The following GLG1 variants were observed in gnomAD, a reference collection of about 807,000 sequenced individuals.
GLG1 encodes golgi glycoprotein 1.
In GLG1, 38 loss-of-function variants were observed where a neutral mutation model predicts 160.5. The observed-to-expected ratio is 0.24, with a 90% CI of 0.18 to 0.31. The LOEUF is 0.31. GLG1 is among the 10% of genes least tolerant of loss of function. The pLI is 1.00. For synonymous variants in GLG1, 644 were observed against 543.4 expected (o/e 1.19, Z -2.57); for missense variants, 1,373 against 1,505.2 (o/e 0.91, Z 1.45).
chr16:74,512,253 G>T (rs1472437747), intron 2 of GLG1, among the ~76,000 whole-genome samples: 1 of 144,758 alleles, frequency 6.9e-6, no homozygotes, highest in Non-Finnish European at 1.5e-5. Flanking sequence ...CCGCCTGGGT[G>T]ACAGAGCGAG....
At chr16:74,462,320 G>A in intron 21 of GLG1, 125 bp from the exon 22 acceptor site, 1 of 816,704 alleles carries the variant, frequency 1.2e-6, no homozygotes, top group Non-Finnish European at 2.0e-6. Context: ...AAAAGAACAA[G>A]AAAAAACAAA....
chr16:74,466,817 G>C (rs996421684), intron 18 of GLG1, among the ~76,000 whole-genome samples: 17 of 152,136 alleles, frequency 1.1e-4, no homozygotes, highest in Non-Finnish European at 8.8e-5. Context: ...AAAGAGAACT[G>C]AGGAGTTACC....
chr16:74,507,945 T>C (rs2016672660), intron 3 of GLG1, among the ~76,000 whole-genome samples: 1 of 152,136 alleles, frequency 6.6e-6, no homozygotes, highest in African/African-American at 2.4e-5. Flanking sequence ...GAGCTAAAGA[T>C]AAATTTTTCA....
At chr16:74,529,313 C>G (rs1349390375) in intron 2 of GLG1, among the ~76,000 whole-genome samples, 2 of 151,932 alleles carry the variant, frequency 1.3e-5, no homozygotes, top group East Asian at 1.9e-4. Flanking sequence ...TTAAAACTAC[C>G]CATAAGTTCT....
chr16:74,543,926 C>T (rs997656566), intron 1 of GLG1, among the ~76,000 whole-genome samples: 3 of 152,170 alleles, frequency 2.0e-5, no homozygotes, highest in African/African-American at 7.2e-5. Flanking sequence ...AAAAGCAAGA[C>T]AGCTTGACTC....
intron 2 of GLG1, among the ~76,000 whole-genome samples, chr16:74,509,646 G>A (rs1399977377): frequency 1.3e-5 from 2 of 151,734 alleles, no homozygotes; most frequent in African/African-American, 2.4e-5. Context: ...TCAGGAGATC[G>A]AGACCATCCT....
intron 4 of GLG1, among the ~76,000 whole-genome samples, chr16:74,498,448 G>GTATATATATA (rs61033032): frequency 0.021 from 499 of 24,038 alleles, 91 homozygotes; most frequent in Admixed American, 0.055. Context: ...AAAAAAAAAA[G>GTATATATATA]TATATATATA....
chr16:74,469,129 T>G, intron 16 of GLG1, 66 bp from the exon 17 acceptor site: 1 of 998,990 alleles, frequency 1.0e-6, no homozygotes, highest in South Asian at 1.3e-5. Context: ...AGAGCTGGGC[T>G]TGGGGGGGGT....
At chr16:74,597,776 C>T (rs2143896258) in intron 1 of GLG1, among the ~76,000 whole-genome samples, 1 of 151,520 alleles carries the variant, frequency 6.6e-6, no homozygotes, top group South Asian at 2.1e-4. Context: ...ATGGCGTGAA[C>T]CCGGGAGGTG....
rs368508466 is a variant in GLG1, at chr16:74,462,611, C to T, written c.2811G>A (p.Met937Ile). 55 of 1,613,962 alleles carry T rather than the reference C, an allele frequency of 3.4e-5. No homozygotes were observed. Among genetic ancestry groups the T allele is most frequent in the Non-Finnish European group, 4.6e-5 (54 of 1,179,928 alleles). Residue 937 changes from methionine to isoleucine, a missense_variant, in exon 21 of 26, where the codon ATG becomes ATA. Physicochemically the swap from Met to Ile is conservative, Grantham distance 10. Coordinates refer to ENST00000422840, the MANE Select transcript of GLG1 (RefSeq NM_001145667.2). ...TQNTDYRLNP[M>I]LRKACKADIP... ...TGTCAGCTTTACAGGCTTTTCTTAACATGGGGTTTAAGCGGTAATCTAGAG... is the reference window on the plus strand; with the variant it reads ...TGTCAGCTTTACAGGCTTTTCTTAATATGGGGTTTAAGCGGTAATCTAGAG...
chr16:74,533,635 G>C (rs988253537), intron 1 of GLG1, among the ~76,000 whole-genome samples: 17 of 152,038 alleles, frequency 1.1e-4, no homozygotes, highest in Non-Finnish European at 2.4e-4. Flanking sequence ...ACAAAAATTA[G>C]CCAGGCGTGG....
In GLG1 at chr16:74,549,754, C is replaced by T. The variant is rs558888914; in HGVS notation, c.439-17601G>A. On this transcript the variant is annotated intron_variant, in intron 1 of 25. Transcript: ENST00000422840. The stretch of plus-strand genomic sequence containing the variant: ...AAAGCCTTAATAGTAATTTTATAAC[C>T]TTGAGAAAAGTTTGGATGAAGTCCA... Among the ~76,000 whole-genome samples, 279 of 151,764 alleles carry T rather than the reference C, an allele frequency of 1.8e-3. 3 individuals carry two copies. Among genetic ancestry groups the T allele is most frequent in the African/African-American group, 6.5e-3 (268 of 41,344 alleles).
At chr16:74,505,789 A>C (rs895962096) in intron 3 of GLG1, among the ~76,000 whole-genome samples, 2 of 152,306 alleles carry the variant, frequency 1.3e-5, no homozygotes, top group African/African-American at 4.8e-5. Context: ...CGGCAGGCGG[A>C]GGTTGCAGTG....
At chr16:74,584,809 G>T (rs1271046458) in intron 1 of GLG1, among the ~76,000 whole-genome samples, 1 of 151,978 alleles carries the variant, frequency 6.6e-6, no homozygotes, top group Admixed American at 6.6e-5. Context: ...CCAGCTACTT[G>T]GGAGGCTGAG....
chr16:74,558,905 A>G (rs2018427006), intron 1 of GLG1, among the ~76,000 whole-genome samples: 1 of 152,136 alleles, frequency 6.6e-6, no homozygotes, highest in South Asian at 2.1e-4. Flanking sequence ...ATATTTTCTT[A>G]GAGACGGGGT....
intron 1 of GLG1, among the ~76,000 whole-genome samples, chr16:74,605,128 C>A (rs1958535785): frequency 6.6e-6 from 1 of 152,178 alleles, no homozygotes; most frequent in South Asian, 2.1e-4. Context: ...TTCATTATTT[C>A]TGTATGTAAA....
At chr16:74,497,313 C>CAA (rs869274288) in intron 4 of GLG1, among the ~76,000 whole-genome samples, 6 of 14,134 alleles carry the variant, frequency 4.2e-4, no homozygotes, top group Non-Finnish European at 6.6e-4. Context: ...CACACACACA[C>CAA]ACAAAAAACC....
chr16:74,585,726 A>G (rs1257892297), intron 1 of GLG1, among the ~76,000 whole-genome samples: 2 of 151,628 alleles, frequency 1.3e-5, no homozygotes, highest in Middle Eastern at 3.4e-3. Flanking sequence ...AAAAAAAAAA[A>G]AGGCCTCTAA....
intron 2 of GLG1, among the ~76,000 whole-genome samples, chr16:74,531,898 T>A (rs974031500): frequency 6.6e-6 from 1 of 152,196 alleles, no homozygotes; most frequent in Non-Finnish European, 1.5e-5. Flanking sequence ...TAGCTGTAAC[T>A]GAAGAAAAAC....
Sources: allele counts gnomAD v4.1 joint callset (sites outside exome capture counted in the v4.1 genomes callset), GRCh38; gene constraint gnomAD v4.1.1; transcripts MANE v1.5; gene names NCBI Gene and HGNC (gene_info 2026-07-23, HGNC 2026-07-21).